The following CENPS variants were observed in gnomAD, a reference collection of about 807,000 sequenced individuals.
CENPS encodes the protein centromere protein S.
In CENPS, 16 loss-of-function variants were observed where a neutral mutation model predicts 17.9. That is an observed-to-expected ratio of 0.90 (90% CI 0.61 to 1.36). The LOEUF (loss-of-function observed/expected upper bound fraction) is 1.36. Among genes scored for constraint, CENPS ranks in the 40% most tolerant of loss-of-function variants. The probability of loss-of-function intolerance (pLI) is 0.00; values close to 1 mark genes in which losing one functional copy is unlikely to be tolerated. For missense variants in CENPS, 160 were observed against 158.6 expected, an observed-to-expected ratio of 1.01 and a Z score of -0.05; for synonymous variants, 49 against 55.8, an observed-to-expected ratio of 0.88 and a Z score of 0.54.
At chr1:10,442,219 A>G (rs1022612045) in intron 4 of CENPS, 46 bp from the exon 5 acceptor site, 1 of 1,542,692 alleles carries the variant, frequency 6.5e-7, no homozygotes, top group African/African-American at 1.4e-5. Flanking sequence ...ATTTAGGTTT[A>G]TAAAATGGTT....
At chr1:10,438,295 C>T (rs1051729857) in intron 3 of CENPS, among the ~76,000 whole-genome samples, 1 of 152,152 alleles carries the variant, frequency 6.6e-6, no homozygotes, top group East Asian at 1.9e-4. Flanking sequence ...CAGGTGCCCA[C>T]CACCATGCCC....
chr1:10,434,069 C>G, intron 2 of CENPS, 104 bp downstream of exon 2: 1 of 1,552,118 alleles, frequency 6.4e-7, no homozygotes, highest in Non-Finnish European at 8.7e-7. Flanking sequence ...ACCAGCAGAC[C>G]AAGAATATTA....
In CENPS at chr1:10,435,704, T is replaced by TAC. The variant is rs1245329164; in HGVS notation, c.209+1015_209+1016insCA. On this transcript the variant is annotated intron_variant, in intron 3 of 4. Coordinates refer to ENST00000309048, the MANE Select transcript of CENPS (RefSeq NM_199294.3). Reference sequence around the variant, plus strand: ...GAAAAATTTAAATACTTAAAAATAATATATATATATATACACACACACACA... The same window carrying TAC: ...GAAAAATTTAAATACTTAAAAATAATACATATATATATATACACACACACACA... Among the ~76,000 whole-genome samples, 74 of 143,638 alleles carry TAC rather than the reference T, an allele frequency of 5.2e-4. 1 individual carries two copies. Among genetic ancestry groups the TAC allele is most frequent in the South Asian group, 4.6e-3 (21 of 4,588 alleles). 94.2% of individuals were successfully genotyped at this position (143,638 alleles called of 152,430 possible).
Position 10,438,599 on chromosome 1 carries a change from T to G in CENPS, c.210-1748T>G, listed in dbSNP as rs183877241. 4.7e-3 allele frequency among the ~76,000 whole-genome samples: 719 copies of G among 152,296 alleles called. 3 individuals carry two copies. Among genetic ancestry groups the G allele is most frequent in the Middle Eastern group, 0.027 (8 of 294 alleles). ...AGCCCGTGTTACAAAGCGTGTTATA[T>G]GAAAAATTGCTTTTGATTTTCCCTA... On this transcript the variant is annotated intron_variant, in intron 3 of 4. Coordinates refer to ENST00000309048, the MANE Select transcript of CENPS (RefSeq NM_199294.3).
chr1:10,437,400 CTTTTTTT>C (rs199866573), intron 3 of CENPS, among the ~76,000 whole-genome samples: 2 of 142,572 alleles, frequency 1.4e-5, no homozygotes, highest in African/African-American at 2.6e-5. Context: ...TTTCTTATTT[CTTTTTTT>C]TTTTTTGGAG....
At chr1:10,436,708 TAAA>T (rs550913401) in intron 3 of CENPS, among the ~76,000 whole-genome samples, 8 of 125,026 alleles carry the variant, frequency 6.4e-5, no homozygotes, top group Admixed American at 3.5e-4. Flanking sequence ...TCTGTCTCTT[TAAA>T]AAAAAAAAAA....
chr1:10,431,979 C>T (rs779010230), intron 1 of CENPS, among the ~76,000 whole-genome samples: 3 of 151,864 alleles, frequency 2.0e-5, no homozygotes, highest in Non-Finnish European at 4.4e-5. Context: ...CCCCACTTGT[C>T]CTAAAGATGT....
Position 10,442,570 on chromosome 1 carries a change from C to G in CENPS, c.*165C>G. The G allele has an allele frequency of 1.7e-6, 2 of 1,182,440 alleles. No homozygotes were observed. Among genetic ancestry groups the G allele is most frequent in the Non-Finnish European group, 2.2e-6 (2 of 925,012 alleles). 73.2% of individuals were successfully genotyped at this position (1,182,440 alleles called of 1,614,324 possible). On this transcript the variant is annotated 3_prime_UTR_variant, in exon 5 of 5. Coordinates refer to ENST00000309048, the MANE Select transcript of CENPS (RefSeq NM_199294.3). Reference sequence around the variant, plus strand: ...GCTGAATTCTCCACATTGTTAACTGCCAAAGCTAGTTTTAGAGAATGAGAA... The same window carrying G: ...GCTGAATTCTCCACATTGTTAACTGGCAAAGCTAGTTTTAGAGAATGAGAA...
chr1:10,440,153 C>T (rs1640345682), intron 3 of CENPS, 194 bp from the exon 4 acceptor site: 3 of 675,240 alleles, frequency 4.4e-6, no homozygotes, highest in South Asian at 2.1e-5. Flanking sequence ...TCCGCATTCT[C>T]CATCTCTTTA....
Position 10,433,913 on chromosome 1 carries a change from G to GT in CENPS, c.125dup (p.Ser43GlnfsTer17). On this transcript the variant is annotated frameshift_variant, in exon 2 of 5. Transcript: ENST00000309048. LOFTEE classifies it high-confidence loss of function. ...AAGTTGCATTGGACAAAGAGATGCAGTTCAGCAAACAGACCATTGCGGCCA... is the reference window on the plus strand; with the variant it reads ...AAGTTGCATTGGACAAAGAGATGCAGTTTCAGCAAACAGACCATTGCGGCCA... 6.2e-7 allele frequency: 1 copy of GT among 1,614,240 alleles called. No individual in the cohort carries two copies. Among genetic ancestry groups the GT allele is most frequent in the South Asian group, 1.1e-5 (1 of 91,088 alleles).
intron 1 of CENPS, 175 bp downstream of exon 1, chr1:10,430,743 C>T: frequency 2.1e-6 from 3 of 1,403,294 alleles, no homozygotes; most frequent in East Asian, 2.9e-5. Context: ...GCGGTTTCCG[C>T]GGCAACGCGG....
intron 1 of CENPS, among the ~76,000 whole-genome samples, chr1:10,431,809 G>A (rs1639928242): frequency 7.2e-6 from 1 of 139,570 alleles, no homozygotes; most frequent in Admixed American, 7.6e-5. Context: ...AGCCGAGATC[G>A]CACCATTGCA....
intron 4 of CENPS, among the ~76,000 whole-genome samples, chr1:10,441,313 CTTTTTTTTTTT>C (rs747986112): frequency 2.7e-5 from 3 of 109,576 alleles, no homozygotes; most frequent in African/African-American, 1.0e-4. Context: ...TGTGCCACAA[CTTTTTTTTTTT>C]TTTTTTTTTT....
At chr1:10,440,875 G>A (rs1171826218) in intron 4 of CENPS, among the ~76,000 whole-genome samples, 13 of 133,736 alleles carry the variant, frequency 9.7e-5, no homozygotes, top group Admixed American at 5.3e-4. Flanking sequence ...TGAAGACCCA[G>A]AGATACTCTG....
At chr1:10,436,437 C>A (rs950656788) in intron 3 of CENPS, among the ~76,000 whole-genome samples, 1 of 151,080 alleles carries the variant, frequency 6.6e-6, no homozygotes, top group Non-Finnish European at 1.5e-5. Context: ...CGCCGTGGCT[C>A]ACGCCTGTAA....
chr1:10,433,743 T>C, intron 1 of CENPS, 99 bp from the exon 2 acceptor site: 3 of 1,563,262 alleles, frequency 1.9e-6, no homozygotes, highest in South Asian at 1.2e-5. Flanking sequence ...GCCAGAGGGA[T>C]TGGGCTGAGC....
At chr1:10,439,336 A>G (rs1570049980) in intron 3 of CENPS, among the ~76,000 whole-genome samples, 1 of 152,230 alleles carries the variant, frequency 6.6e-6, no homozygotes, top group Non-Finnish European at 1.5e-5. Flanking sequence ...GTGTAATCAG[A>G]GTAATATATT....
chr1:10,438,352 C>G lies in CENPS; in HGVS notation c.210-1995C>G, dbSNP rs1432732142. Reference sequence around the variant, plus strand: ...TAGAGACAGGGTTTCACTGTGTTGGCCAGTCTGGCCTCGAACTCCTGACCT... The same window carrying G: ...TAGAGACAGGGTTTCACTGTGTTGGGCAGTCTGGCCTCGAACTCCTGACCT... On this transcript the variant is annotated intron_variant, in intron 3 of 4. Transcript: ENST00000309048. Among the ~76,000 whole-genome samples the G allele has an allele frequency of 6.6e-5, 10 of 152,118 alleles. 1 individual carries two copies. Among genetic ancestry groups the G allele is most frequent in the Admixed American group, 6.6e-4 (10 of 15,264 alleles).
chr1:10,439,343 T>C (rs1054727972), intron 3 of CENPS, among the ~76,000 whole-genome samples: 3 of 152,158 alleles, frequency 2.0e-5, no homozygotes, highest in Admixed American at 2.0e-4. Flanking sequence ...CAGAGTAATA[T>C]ATTATTGAAT....
Sources: allele counts gnomAD v4.1 joint callset (sites outside exome capture counted in the v4.1 genomes callset), GRCh38; gene constraint gnomAD v4.1.1; transcripts MANE v1.5; gene names NCBI Gene and HGNC (gene_info 2026-07-23, HGNC 2026-07-21).